The following VPS13B variants were observed in gnomAD, a reference collection of about 807,000 sequenced individuals.
VPS13B encodes vacuolar protein sorting 13 homolog B.
A neutral mutation model predicts 426.4 loss-of-function variants in VPS13B; 285 were observed. The observed-to-expected ratio is 0.67, with a 90% CI of 0.61 to 0.74. The LOEUF (loss-of-function observed/expected upper bound fraction) is 0.74. VPS13B is among the 30% of genes least tolerant of loss of function. The pLI is 0.00. For synonymous variants in VPS13B, 1,676 were observed against 1,676.4 expected (o/e 1.00, Z 0.01); for missense variants, 4,537 against 4,782.6 (o/e 0.95, Z 1.51).
chr8:99,659,239 A>G (rs956916734), intron 34 of VPS13B, among the ~76,000 whole-genome samples: 1 of 152,094 alleles, frequency 6.6e-6, no homozygotes, highest in Non-Finnish European at 1.5e-5. Context: ...AAATGTTTAT[A>G]TGCCATTTGC....
At chr8:99,605,757 G>A (rs1827537577) in intron 33 of VPS13B, among the ~76,000 whole-genome samples, 1 of 152,114 alleles carries the variant, frequency 6.6e-6, no homozygotes, top group Non-Finnish European at 1.5e-5. Context: ...GCAGGTGGGT[G>A]GATCTAGGTT....
chr8:99,697,687 A>T, intron 35 of VPS13B: 1 of 640,512 alleles, frequency 1.6e-6, no homozygotes. Flanking sequence ...CGAGGGCTTG[A>T]TCTCACACCT....
intron 19 of VPS13B, among the ~76,000 whole-genome samples, chr8:99,310,210 C>T (rs1457746155): frequency 4.6e-5 from 7 of 152,118 alleles, no homozygotes; most frequent in Admixed American, 4.6e-4. Flanking sequence ...CCAGAACTTC[C>T]AACACTATGT....
At chr8:99,671,540 C>A (rs768093378) in intron 35 of VPS13B, among the ~76,000 whole-genome samples, 1 of 152,062 alleles carries the variant, frequency 6.6e-6, no homozygotes, top group African/African-American at 2.4e-5. Context: ...AGAAAATCAC[C>A]GTCCAGACCA....
At chr8:99,686,623 C>T (rs1831418440) in intron 35 of VPS13B, among the ~76,000 whole-genome samples, 1 of 151,964 alleles carries the variant, frequency 6.6e-6, no homozygotes, top group Non-Finnish European at 1.5e-5. Context: ...GGAGTCTCTC[C>T]CCATGGCCAC....
intron 23 of VPS13B, among the ~76,000 whole-genome samples, chr8:99,447,420 C>T (rs1004011132): frequency 1.3e-5 from 2 of 152,164 alleles, no homozygotes; most frequent in South Asian, 2.1e-4. Context: ...TTTACCTGTA[C>T]ATGAATATTC....
intron 3 of VPS13B, among the ~76,000 whole-genome samples, chr8:99,044,084 C>CTTTTTTTTTTTTTTTTTTTTTT (rs5893476): frequency 1.0e-4 from 10 of 98,928 alleles, no homozygotes; most frequent in East Asian, 5.9e-4. Context: ...TTCTTTCTTT[C>CTTTTTTTTTTTTTTTTTTTTTT]TTTTTTTTTT....
At position 99,187,225 on chromosome 8, in the gene VPS13B, G is replaced by C. The variant is rs184148295; in HGVS notation, c.2334-5651G>C. 6.3e-3 allele frequency among the ~76,000 whole-genome samples: 958 copies of C among 152,078 alleles called. 8 individuals carry two copies. Among genetic ancestry groups the C allele is most frequent in the African/African-American group, 0.022 (898 of 41,456 alleles). ...GTTGTGGGTTTTTTGGTGCAGGGGC[G>C]GGGGGCGGTTCAGGAATTTGAACAG... On this transcript the variant is annotated intron_variant, in intron 16 of 61. Transcript: ENST00000357162.
At chr8:99,195,463 A>G (rs570467564) in intron 17 of VPS13B, among the ~76,000 whole-genome samples, 1 of 152,206 alleles carries the variant, frequency 6.6e-6, no homozygotes, top group South Asian at 2.1e-4. Context: ...AGTTCCTTAG[A>G]TATTTTGGAT....
intron 58 of VPS13B, among the ~76,000 whole-genome samples, chr8:99,863,153 T>C (rs772067842): frequency 1.3e-5 from 2 of 152,142 alleles, no homozygotes; most frequent in Non-Finnish European, 2.9e-5. Context: ...ATACCATTGT[T>C]AGAAGTAACA....
intron 12 of VPS13B, among the ~76,000 whole-genome samples, chr8:99,139,029 A>G (rs1463236275): frequency 6.6e-6 from 1 of 152,170 alleles, no homozygotes; most frequent in Non-Finnish European, 1.5e-5. Flanking sequence ...GGTTTTTCAT[A>G]TTTTTCACTT....
chr8:99,376,494 A>G (rs1334563247), intron 19 of VPS13B, among the ~76,000 whole-genome samples: 1 of 152,188 alleles, frequency 6.6e-6, no homozygotes, highest in African/African-American at 2.4e-5. Context: ...TATAACTTAC[A>G]TAGGTTGGTG....
chr8:99,817,455 A>G, intron 44 of VPS13B, 85 bp from the exon 45 acceptor site: 9 of 1,525,290 alleles, frequency 5.9e-6, no homozygotes, highest in South Asian at 1.1e-5. Flanking sequence ...TAACATCAAC[A>G]TAGTTTACTC....
chr8:99,834,548 T>A (rs1049895959), intron 52 of VPS13B, among the ~76,000 whole-genome samples: 1 of 151,980 alleles, frequency 6.6e-6, no homozygotes, highest in African/African-American at 2.4e-5. Flanking sequence ...TATTTTTTAT[T>A]TTTTTTGATA....
At chr8:99,431,100 A>C (rs1006808337) in intron 21 of VPS13B, among the ~76,000 whole-genome samples, 1 of 152,152 alleles carries the variant, frequency 6.6e-6, no homozygotes, top group Non-Finnish European at 1.5e-5. Context: ...ATAATTTTCT[A>C]TCAATTTTGG....
intron 31 of VPS13B, among the ~76,000 whole-genome samples, chr8:99,572,925 TA>T (rs1360684161): frequency 6.6e-6 from 1 of 152,218 alleles, no homozygotes; most frequent in East Asian, 1.9e-4. Context: ...ACCAACAGTG[TA>T]AAAGTGTTCC....
chr8:99,184,500 G>A (rs1028286388), intron 16 of VPS13B, among the ~76,000 whole-genome samples: 1 of 151,970 alleles, frequency 6.6e-6, no homozygotes, highest in Non-Finnish European at 1.5e-5. Flanking sequence ...TTTATGTATG[G>A]TAATAAGACA....
intron 34 of VPS13B, among the ~76,000 whole-genome samples, chr8:99,651,556 G>C (rs1829813782): frequency 6.6e-6 from 1 of 152,132 alleles, no homozygotes; most frequent in African/African-American, 2.4e-5. Context: ...ACAGAAATGA[G>C]ATCTTCTGCC....
intron 19 of VPS13B, among the ~76,000 whole-genome samples, chr8:99,318,019 T>C (rs1809767644): frequency 6.6e-6 from 1 of 152,184 alleles, no homozygotes; most frequent in African/African-American, 2.4e-5. Flanking sequence ...TTAGAAAGCT[T>C]TACTTTACTG....
Sources: gnomAD v4.1 joint callset for allele counts (sites outside exome capture counted in the v4.1 genomes callset) on GRCh38, gnomAD v4.1.1 for gene constraint, MANE v1.5 for transcripts, NCBI Gene and HGNC (gene_info 2026-07-23, HGNC 2026-07-21) for gene names.